The following CSMD3 variants were observed in gnomAD, a reference collection of about 807,000 sequenced individuals.
CSMD3 encodes the protein CUB and Sushi multiple domains 3.
CSMD3 carries 177 observed loss-of-function variants against 435.2 expected under a neutral mutation model. The observed-to-expected ratio is 0.41, with a 90% CI of 0.36 to 0.46. CSMD3 has a LOEUF of 0.46. CSMD3 is among the 20% of genes least tolerant of loss of function. The probability of loss-of-function intolerance (pLI) is 0.34; values close to 1 mark genes in which losing one functional copy is unlikely to be tolerated. For missense variants in CSMD3, 4,265 were observed against 4,504.6 expected (o/e 0.95, Z 1.52); for synonymous variants, 1,656 against 1,520.5 (o/e 1.09, Z -2.07).
intron 10 of CSMD3, among the ~76,000 whole-genome samples, chr8:112,884,290 A>C (rs555278927): frequency 6.6e-6 from 1 of 151,936 alleles, no homozygotes; most frequent in Non-Finnish European, 1.5e-5. Context: ...CTAACCCATT[A>C]GTATCAACCC....
intron 6 of CSMD3, among the ~76,000 whole-genome samples, chr8:113,008,444 T>G (rs1321323668): frequency 6.6e-6 from 1 of 151,850 alleles, no homozygotes; most frequent in Non-Finnish European, 1.5e-5. Context: ...TCACCTTATC[T>G]GTTAAGGATG....
At chr8:112,438,895 G>T (rs180985778) in intron 32 of CSMD3, among the ~76,000 whole-genome samples, 186 of 152,220 alleles carry the variant, frequency 1.2e-3, no homozygotes, top group Non-Finnish European at 2.4e-3. Context: ...TACTCTTTCT[G>T]AATCTTTTCC....
chr8:112,849,250 GT>G (rs1211255073), intron 11 of CSMD3, among the ~76,000 whole-genome samples: 1 of 151,684 alleles, frequency 6.6e-6, no homozygotes, highest in African/African-American at 2.4e-5. Context: ...TATTTTCTTC[GT>G]TGTGAGATTT....
intron 1 of CSMD3, among the ~76,000 whole-genome samples, chr8:113,428,242 ATCTATCTATCTATCTATCTT>A (rs1388909214): frequency 5.3e-5 from 8 of 150,504 alleles, no homozygotes; most frequent in African/African-American, 1.7e-4. Context: ...CTATCTATCT[ATCTATCTATCTATCTATCTT>A]TCTGTCTAAT....
chr8:112,500,249 A>C (rs532165153), intron 30 of CSMD3, among the ~76,000 whole-genome samples: 5 of 152,236 alleles, frequency 3.3e-5, no homozygotes, highest in Non-Finnish European at 7.3e-5. Context: ...AATATGCAGC[A>C]GCAAATAAAG....
chr8:112,443,838 A>C (rs1815305964), intron 32 of CSMD3, among the ~76,000 whole-genome samples: 1 of 152,070 alleles, frequency 6.6e-6, no homozygotes, highest in Non-Finnish European at 1.5e-5. Context: ...TTAATTTATT[A>C]TTAATGAATT....
Position 112,645,214 on chromosome 8 carries a change from C to T in CSMD3, c.3205G>A (p.Gly1069Arg), listed in dbSNP as rs2074946618. 3 of 1,554,142 alleles carry T rather than the reference C, an allele frequency of 1.9e-6. No individual in the cohort carries two copies. The highest frequency in any genetic ancestry group is 1.4e-5 in the African/African-American group (1 of 73,840). The change falls in exon 20 of 71, where the codon GGA (glycine) becomes AGA (arginine). Residue 1069 changes from glycine to arginine, a missense_variant. Gly to Arg is a moderately radical substitution (Grantham distance 125). Around this residue, in one of 3 missense-constraint regions of CSMD3, gnomAD observed 3,255 missense variants for 3,380.2 expected, o/e 0.96. Coordinates refer to ENST00000297405, the MANE Select transcript of CSMD3 (RefSeq NM_198123.2). Reference protein sequence around the residue: ...PLPTCDALCGGDVRGPSGTIL... With the variant: ...PLPTCDALCGRDVRGPSGTIL... ...GTTCCACTAGGCCCTCTAACATCTC[C>T]TCCACATAATGCTGAAATACAAAGA...
chr8:112,937,012 G>C (rs1287172333), intron 9 of CSMD3, among the ~76,000 whole-genome samples: 1 of 152,034 alleles, frequency 6.6e-6, no homozygotes, highest in African/African-American at 2.4e-5. Flanking sequence ...GACCATGAAG[G>C]TAAAGTAGAC....
At chr8:112,565,948 G>C (rs1450823870) in intron 24 of CSMD3, among the ~76,000 whole-genome samples, 3 of 150,412 alleles carry the variant, frequency 2.0e-5, no homozygotes, top group South Asian at 2.1e-4. Flanking sequence ...GATAGTAAAT[G>C]TAACAAAAAT....
intron 2 of CSMD3, among the ~76,000 whole-genome samples, chr8:113,288,910 C>T (rs2093664955): frequency 6.6e-6 from 1 of 151,756 alleles, no homozygotes; most frequent in Non-Finnish European, 1.5e-5. Context: ...CTTGTAAAAG[C>T]TTACCACAGT....
intron 13 of CSMD3, among the ~76,000 whole-genome samples, chr8:112,703,498 T>G (rs1257208196): frequency 3.9e-5 from 6 of 152,162 alleles, no homozygotes; most frequent in Non-Finnish European, 8.8e-5. Context: ...GCTAAAGTAA[T>G]AAACCCTAAT....
intron 13 of CSMD3, among the ~76,000 whole-genome samples, chr8:112,778,995 T>C (rs944462523): frequency 6.6e-6 from 1 of 152,044 alleles, no homozygotes; most frequent in African/African-American, 2.4e-5. Flanking sequence ...TCTGTTCATA[T>C]AATTTGCCCA....
intron 5 of CSMD3, among the ~76,000 whole-genome samples, chr8:113,078,754 T>A (rs1469670710): frequency 1.3e-5 from 2 of 152,190 alleles, no homozygotes; most frequent in African/African-American, 4.8e-5. Context: ...AGGAACTGCA[T>A]CATTTTCATA....
intron 9 of CSMD3, among the ~76,000 whole-genome samples, chr8:112,925,006 C>T (rs1325611665): frequency 6.6e-6 from 1 of 152,038 alleles, no homozygotes; most frequent in Admixed American, 6.6e-5. Flanking sequence ...TCTCTGTATT[C>T]CTCCATTTGT....
rs1044333063 is a variant in CSMD3 at position 112,801,926 on chromosome 8, T to A, written c.1860-1652A>T. Among the ~76,000 whole-genome samples, 6 of 151,994 alleles carry A rather than the reference T, an allele frequency of 3.9e-5. No individual in the cohort carries two copies. The East Asian group carries it at 9.6e-4, about 24-fold the overall frequency. ...AATTGAAGTATTGCTCTTTTTTACA[T>A]CCTCCTATAACATTCATAATCCTGA... On this transcript the variant is annotated intron_variant, in intron 12 of 70. Coordinates refer to ENST00000297405, the MANE Select transcript of CSMD3 (RefSeq NM_198123.2).
rs373991902 is a variant in CSMD3, at chr8:112,524,677, A to C, written c.4565-7452T>G. On this transcript the variant is annotated intron_variant, in intron 27 of 70. Transcript: ENST00000297405. ...AGCATGAAACAAGAAGCTAAAAGTAAATAAAATTATATAATTAAAATATGT... is the reference window on the plus strand; with the variant it reads ...AGCATGAAACAAGAAGCTAAAAGTACATAAAATTATATAATTAAAATATGT... 3.2e-4 allele frequency among the ~76,000 whole-genome samples: 48 copies of C among 152,144 alleles called. No individual in the cohort carries two copies. In the East Asian group the frequency reaches 8.9e-3, roughly 28 times the overall value.
chr8:113,085,447 A>C (rs1373802368), intron 5 of CSMD3, among the ~76,000 whole-genome samples: 1 of 152,192 alleles, frequency 6.6e-6, no homozygotes, highest in Non-Finnish European at 1.5e-5. Flanking sequence ...AAAGGAAATT[A>C]AATAAGTATA....
At chr8:112,581,040 C>T (rs1830300781) in intron 23 of CSMD3, among the ~76,000 whole-genome samples, 1 of 152,042 alleles carries the variant, frequency 6.6e-6, no homozygotes, top group Non-Finnish European at 1.5e-5. Context: ...AAATGTATTC[C>T]TATTACATGA....
chr8:113,053,334 A>G (rs982937044), intron 5 of CSMD3, among the ~76,000 whole-genome samples: 2 of 152,234 alleles, frequency 1.3e-5, no homozygotes, highest in South Asian at 2.1e-4. Flanking sequence ...GGTTAAAATT[A>G]TATAATTTAA....
Sources: gnomAD v4.1 joint callset for allele counts (sites outside exome capture counted in the v4.1 genomes callset) on GRCh38, gnomAD v4.1.1 for gene constraint, gnomAD v4.1.1 regional missense constraint, MANE v1.5 for transcripts, NCBI Gene and HGNC (gene_info 2026-07-23, HGNC 2026-07-21) for gene names.